SH3D19: variants seen among roughly 807,000 people sequenced by gnomAD.
SH3D19 encodes SH3 domain containing 19.
In SH3D19, 58 loss-of-function variants were observed where a neutral mutation model predicts 112.1. That is an observed-to-expected ratio of 0.52 (90% confidence interval 0.42 to 0.64). SH3D19 has a LOEUF of 0.64. Among genes scored for constraint, SH3D19 ranks in the 30% least tolerant of loss-of-function variants. The pLI, the probability that SH3D19 is intolerant of heterozygous loss-of-function variation, is 0.00. For missense variants in SH3D19, 1,090 were observed against 1,263.4 expected, an observed-to-expected ratio of 0.86 and a Z score of 2.08; for synonymous variants, 391 against 448.5, an observed-to-expected ratio of 0.87 and a Z score of 1.62.
intron 16 of SH3D19, 95 bp downstream of exon 16, chr4:151,132,939 G>T: frequency 9.7e-7 from 1 of 1,033,240 alleles, no homozygotes; most frequent in South Asian, 1.7e-5. Context: ...GTAAAAATAT[G>T]GCAATATGGA....
chr4:151,125,741 A>T (rs919366930), intron 19 of SH3D19, among the ~76,000 whole-genome samples: 1 of 150,368 alleles, frequency 6.7e-6, no homozygotes, highest in African/African-American at 2.4e-5. Flanking sequence ...AGTCCCAGCT[A>T]CTTGGGAGGC....
intron 17 of SH3D19, among the ~76,000 whole-genome samples, chr4:151,129,230 C>A (rs1394696997): frequency 6.6e-6 from 1 of 152,060 alleles, no homozygotes. Flanking sequence ...AGGATAACAC[C>A]CAGATGTGGT....
intron 6 of SH3D19, among the ~76,000 whole-genome samples, chr4:151,176,034 C>T (rs979018277): frequency 6.6e-6 from 1 of 151,990 alleles, no homozygotes; most frequent in Non-Finnish European, 1.5e-5. Flanking sequence ...CCACACTCAG[C>T]GAATTTTTCC....
intron 1 of SH3D19, among the ~76,000 whole-genome samples, chr4:151,286,186 A>AC (rs1247919309): frequency 1.7e-4 from 11 of 66,390 alleles, no homozygotes; most frequent in African/African-American, 3.7e-4. Context: ...GTCTTAAAGA[A>AC]AAAAAAAAAA....
At chr4:151,301,247 G>T (rs1170922688) in intron 1 of SH3D19, among the ~76,000 whole-genome samples, 1 of 152,212 alleles carries the variant, frequency 6.6e-6, no homozygotes, top group Non-Finnish European at 1.5e-5. Context: ...ATTTATTTGA[G>T]ACAGAGTTTT....
At chr4:151,185,518 C>T (rs1031087092) in intron 3 of SH3D19, among the ~76,000 whole-genome samples, 14 of 152,064 alleles carry the variant, frequency 9.2e-5, no homozygotes, top group Admixed American at 3.3e-4. Context: ...TCTCTCTGCC[C>T]GTCATCGCCT....
intron 1 of SH3D19, among the ~76,000 whole-genome samples, chr4:151,227,410 A>T (rs1279986696): frequency 6.6e-6 from 1 of 152,234 alleles, no homozygotes; most frequent in Non-Finnish European, 1.5e-5. Flanking sequence ...GATTCACAAT[A>T]AAGCATGCCT....
At chr4:151,228,403 C>G (rs1017336134) in intron 1 of SH3D19, among the ~76,000 whole-genome samples, 3 of 152,108 alleles carry the variant, frequency 2.0e-5, no homozygotes, top group African/African-American at 7.2e-5. Flanking sequence ...TGATCTTTTC[C>G]CTCAAAGTAT....
At chr4:151,144,921 C>G (rs1270512050) in intron 11 of SH3D19, among the ~76,000 whole-genome samples, 1 of 152,170 alleles carries the variant, frequency 6.6e-6, no homozygotes, top group East Asian at 1.9e-4. Context: ...ACGGTCTGTA[C>G]TATATAAAAG....
At chr4:151,138,448 C>T (rs935171332) in intron 13 of SH3D19, among the ~76,000 whole-genome samples, 2 of 151,970 alleles carry the variant, frequency 1.3e-5, no homozygotes, top group Non-Finnish European at 2.9e-5. Context: ...CCTGTTATCT[C>T]AGCACTTTAA....
chr4:151,300,944 G>C (rs955046224), intron 1 of SH3D19, among the ~76,000 whole-genome samples: 2 of 152,206 alleles, frequency 1.3e-5, no homozygotes, highest in African/African-American at 2.4e-5. Flanking sequence ...TGTGGTGAGG[G>C]AAGAAGTTAA....
intron 1 of SH3D19, among the ~76,000 whole-genome samples, chr4:151,235,266 C>T (rs72967541): frequency 0.022 from 3,339 of 152,170 alleles, 90 homozygotes; most frequent in African/African-American, 0.073. Context: ...TTAACTCTCA[C>T]CTTTAAGTGA....
At chr4:151,194,016 A>ATTTTTTTTTTTTTTTTTTTTTTT (rs201719037) in intron 2 of SH3D19, among the ~76,000 whole-genome samples, 1 of 111,896 alleles carries the variant, frequency 8.9e-6, no homozygotes, top group African/African-American at 4.5e-5. Flanking sequence ...AGTAGGATTA[A>ATTTTTTTTTTTTTTTTTTTTTTT]TTTTTTTTTT....
intron 1 of SH3D19, among the ~76,000 whole-genome samples, chr4:151,252,115 C>T (rs1183683228): frequency 6.6e-6 from 1 of 152,206 alleles, no homozygotes; most frequent in African/African-American, 2.4e-5. Context: ...GTCCCCTGCT[C>T]AAGGACACCA....
At chr4:151,288,114 T>C (rs1434681972) in intron 1 of SH3D19, among the ~76,000 whole-genome samples, 1 of 151,186 alleles carries the variant, frequency 6.6e-6, no homozygotes, top group Non-Finnish European at 1.5e-5. Flanking sequence ...AACAATGAGA[T>C]GAGTGGAGTT....
chr4:151,185,040 GTTTTTTT>G (rs66567240), intron 3 of SH3D19, among the ~76,000 whole-genome samples: 6 of 66,500 alleles, frequency 9.0e-5, no homozygotes, highest in Admixed American at 1.8e-4. Flanking sequence ...GCTGTGTCCT[GTTTTTTT>G]TTTTTTTTTT....
intron 1 of SH3D19, among the ~76,000 whole-genome samples, chr4:151,272,405 T>C (rs1580370046): frequency 6.6e-6 from 1 of 152,302 alleles, no homozygotes; most frequent in South Asian, 2.1e-4. Flanking sequence ...AAATGATACA[T>C]CATTTTAGCT....
intron 2 of SH3D19, among the ~76,000 whole-genome samples, chr4:151,224,731 G>A (rs1768707082): frequency 6.6e-6 from 1 of 152,108 alleles, no homozygotes; most frequent in Admixed American, 6.5e-5. Context: ...TAACAGAGAT[G>A]AGACAGTGTT....
intron 1 of SH3D19, among the ~76,000 whole-genome samples, chr4:151,287,666 G>A (rs1337218377): frequency 1.3e-5 from 2 of 152,136 alleles, no homozygotes; most frequent in African/African-American, 2.4e-5. Context: ...AGGCCAAGAC[G>A]GGAGGATCAC....
Sources: gnomAD v4.1 joint callset for allele counts (sites outside exome capture counted in the v4.1 genomes callset) on GRCh38, gnomAD v4.1.1 for gene constraint, MANE v1.5 for transcripts, NCBI Gene and HGNC (gene_info 2026-07-23, HGNC 2026-07-21) for gene names.